Variants in ABI1 observed in about 807,000 individuals in gnomAD.
The protein encoded by ABI1 is abl interactor 1.
A neutral mutation model predicts 54.6 loss-of-function variants in ABI1; 14 were observed. The observed-to-expected ratio is 0.26, with a 90% CI of 0.17 to 0.40. The LOEUF (loss-of-function observed/expected upper bound fraction) is 0.40. Among genes scored for constraint, ABI1 ranks in the 10% least tolerant of loss-of-function variants. The pLI is 1.00. For missense variants in ABI1, 443 were observed against 598.3 expected (o/e 0.74, Z 2.71); for synonymous variants, 194 against 209.3 (o/e 0.93, Z 0.63).
intron 2 of ABI1, among the ~76,000 whole-genome samples, chr10:26,788,325 A>G (rs1167733330): frequency 6.6e-6 from 1 of 152,344 alleles, no homozygotes; most frequent in East Asian, 1.9e-4. Flanking sequence ...AGCAATGTGA[A>G]AACGGACTAA....
At chr10:26,835,088 CAAAAAAA>C (rs201431383) in intron 1 of ABI1, among the ~76,000 whole-genome samples, 2 of 32,140 alleles carry the variant, frequency 6.2e-5, no homozygotes, top group Non-Finnish European at 1.2e-4. Context: ...GATTCTACCT[CAAAAAAA>C]AAAAAAAAAA....
intron 2 of ABI1, among the ~76,000 whole-genome samples, chr10:26,792,259 T>C (rs746474226): frequency 1.3e-5 from 2 of 152,244 alleles, no homozygotes; most frequent in Non-Finnish European, 2.9e-5. Flanking sequence ...TTACATTTAT[T>C]CTTTTGAATA....
chr10:26,757,080 C>T (rs1319944610), intron 8 of ABI1, among the ~76,000 whole-genome samples: 1 of 152,030 alleles, frequency 6.6e-6, no homozygotes, highest in African/African-American at 2.4e-5. Context: ...AGAAACAACT[C>T]TTAGTAACTA....
intron 2 of ABI1, among the ~76,000 whole-genome samples, chr10:26,813,403 G>A (rs1001792501): frequency 6.6e-6 from 1 of 152,032 alleles, no homozygotes; most frequent in Non-Finnish European, 1.5e-5. Context: ...CAGTAAGGAT[G>A]AAACAAAAAA....
chr10:26,791,404 C>A (rs1171173012), intron 2 of ABI1, among the ~76,000 whole-genome samples: 2 of 152,138 alleles, frequency 1.3e-5, no homozygotes, highest in African/African-American at 4.8e-5. Context: ...CTACTCACAA[C>A]CACACATACA....
At chr10:26,818,773 C>G (rs11015313) in intron 2 of ABI1, among the ~76,000 whole-genome samples, 2 of 151,570 alleles carry the variant, frequency 1.3e-5, no homozygotes, top group Non-Finnish European at 1.5e-5. Flanking sequence ...GGGTGGATCA[C>G]GAGGTCAGGG....
chr10:26,843,425 G>C (rs1248133393), intron 1 of ABI1, among the ~76,000 whole-genome samples: 1 of 113,112 alleles, frequency 8.8e-6, no homozygotes, highest in South Asian at 3.1e-4. Context: ...CCACACTCCA[G>C]CCTTTATGAC....
At chr10:26,749,093 CAAAG>C (rs1427152494) in intron 10 of ABI1, among the ~76,000 whole-genome samples, 1 of 152,130 alleles carries the variant, frequency 6.6e-6, no homozygotes, top group Non-Finnish European at 1.5e-5. Flanking sequence ...AATTATCAGG[CAAAG>C]AAAGCTGCAT....
At chr10:26,841,827 A>T (rs927340782) in intron 1 of ABI1, among the ~76,000 whole-genome samples, 15 of 152,232 alleles carry the variant, frequency 9.9e-5, no homozygotes, top group Admixed American at 9.8e-4. Context: ...TTCTTTATCC[A>T]TTCATCTATC....
At chr10:26,754,217 A>G (rs1052668292) in intron 9 of ABI1, among the ~76,000 whole-genome samples, 7 of 152,318 alleles carry the variant, frequency 4.6e-5, no homozygotes, top group African/African-American at 1.4e-4. Flanking sequence ...TAGTGTGATC[A>G]TGGCTCACTG....
intron 1 of ABI1, among the ~76,000 whole-genome samples, chr10:26,824,850 G>A (rs1000171995): frequency 4.6e-5 from 7 of 152,076 alleles, no homozygotes; most frequent in African/African-American, 1.2e-4. Flanking sequence ...AAGATACTGC[G>A]GTTTTGGCTA....
intron 1 of ABI1, among the ~76,000 whole-genome samples, chr10:26,842,641 T>A (rs1480975256): frequency 6.6e-6 from 1 of 152,184 alleles, no homozygotes; most frequent in Non-Finnish European, 1.5e-5. Context: ...TACAAAAATG[T>A]GTACAATTAA....
intron 1 of ABI1, among the ~76,000 whole-genome samples, chr10:26,832,516 G>A (rs765073060): frequency 2.6e-5 from 4 of 151,942 alleles, no homozygotes; most frequent in Non-Finnish European, 4.4e-5. Flanking sequence ...CCCAGGAGGC[G>A]GAGCTTGCAG....
intron 9 of ABI1, among the ~76,000 whole-genome samples, chr10:26,755,398 G>A (rs898675578): frequency 1.3e-5 from 2 of 152,116 alleles, no homozygotes; most frequent in East Asian, 1.9e-4. Context: ...TTAAGAATAT[G>A]TAAAGATCAG....
At chr10:26,790,280 C>T (rs1588886076) in intron 2 of ABI1, among the ~76,000 whole-genome samples, 2 of 152,186 alleles carry the variant, frequency 1.3e-5, no homozygotes, top group Non-Finnish European at 2.9e-5. Flanking sequence ...TTCTCCACAA[C>T]CTCGCCAGCA....
rs58739177 is a variant in ABI1 at position 26,773,215 on chromosome 10, C to CTTTTTTTTTT, written c.463-2136_463-2127dup. Among the ~76,000 whole-genome samples the CTTTTTTTTTT allele has an allele frequency of 9.2e-4, 85 of 92,494 alleles. 9 individuals are homozygous for CTTTTTTTTTT. The highest frequency in any genetic ancestry group is 2.7e-3 in the African/African-American group (59 of 22,196). 60.7% of individuals were successfully genotyped at this position (92,494 alleles called of 152,430 possible). A position where few individuals can be genotyped will look rare whatever the true frequency, so the allele number is the denominator to read the frequency against. ...AGGCACTAAATGTCTAATGCTAATT[C>CTTTTTTTTTT]TTTTTTTTTTTTTGCTGGCTCTGTT... On this transcript the variant is annotated intron_variant, in intron 3 of 10. Coordinates refer to ENST00000376140, the MANE Select transcript of ABI1 (RefSeq NM_001012750.3).
chr10:26,860,728 G>C lies in ABI1; in HGVS notation c.117+19C>G. 3.1e-6 allele frequency: 5 copies of C among 1,604,954 alleles called. No homozygotes were observed. The highest frequency in any genetic ancestry group is 4.3e-6 in the Non-Finnish European group (5 of 1,172,152). The stretch of plus-strand genomic sequence containing the variant: ...GTCCTCGACCCGGCCAGCGCCCGCC[G>C]GCCGCCAGAGCGCCTCACCTGTATG... On this transcript the variant is annotated intron_variant, in intron 1 of 10. Coordinates refer to ENST00000376140, the MANE Select transcript of ABI1 (RefSeq NM_001012750.3). The surrounding 1 kb of genome is among the most constrained non-coding windows in gnomAD (Gnocchi z 4.1).
At chr10:26,840,472 T>G (rs10829097) in intron 1 of ABI1, among the ~76,000 whole-genome samples, 38,862 of 152,088 alleles carry the variant, frequency 0.26, 5,627 homozygotes, top group South Asian at 0.44. Flanking sequence ...GACACTCACT[T>G]AAACCAGCTT....
chr10:26,767,956 G>A (rs948118000), intron 6 of ABI1, among the ~76,000 whole-genome samples: 8 of 151,750 alleles, frequency 5.3e-5, no homozygotes, highest in Non-Finnish European at 8.8e-5. Context: ...TGAGGCAGGA[G>A]AATTGCTTAA....
Sources: allele counts gnomAD v4.1 joint callset (sites outside exome capture counted in the v4.1 genomes callset), GRCh38; gene constraint gnomAD v4.1.1; non-coding constraint Gnocchi (gnomAD v3.1); transcripts MANE v1.5; gene names NCBI Gene and HGNC (gene_info 2026-07-23, HGNC 2026-07-21).